Variants in MAN2B1 observed in about 807,000 individuals in gnomAD.
MAN2B1 encodes the protein lysosomal alpha-mannosidase.
A neutral mutation model predicts 127.5 loss-of-function variants in MAN2B1; 99 were observed. That is an observed-to-expected ratio of 0.78 (90% confidence interval 0.66 to 0.92). The LOEUF is 0.92. MAN2B1 is among the 40% of genes least tolerant of loss of function. MAN2B1 has a pLI of 0.00. For synonymous variants in MAN2B1, 573 were observed against 568.8 expected, an observed-to-expected ratio of 1.01 and a Z score of -0.11; for missense variants, 1,304 against 1,384.8, an observed-to-expected ratio of 0.94 and a Z score of 0.93.
rs932247520 is a variant in MAN2B1 at position 12,652,239 on chromosome 19, C to A, written c.1960G>T (p.Asp654Tyr). The change falls in exon 16 of 24, where the codon GAC (aspartate) becomes TAC (tyrosine). Residue 654 changes from aspartate to tyrosine, a missense_variant. Asp to Tyr is a radical substitution (Grantham distance 160, BLOSUM62 -3). Coordinates refer to ENST00000456935, the MANE Select transcript of MAN2B1 (RefSeq NM_000528.4). ...YNASIGDNES[D>Y]QASGAYIFRP... The stretch of plus-strand genomic sequence containing the variant: ...AAGATGTAGGCACCTGAGGCCTGGT[C>A]ACTTTCGTTGTCACCTATACTGGCG... The A allele has an allele frequency of 6.2e-6, 10 of 1,614,110 alleles. No homozygotes were observed. Among genetic ancestry groups the A allele is most frequent in the South Asian group, 1.1e-5 (1 of 91,046 alleles).
At chr19:12,656,080 G>A (rs2023947563) in intron 13 of MAN2B1, 4 of 558,918 alleles carry the variant, frequency 7.2e-6, no homozygotes, top group Non-Finnish European at 1.3e-5. Context: ...CACCGGGAGG[G>A]TGGAGAGACC....
chr19:12,662,279 C>A (rs1189947227), intron 6 of MAN2B1, among the ~76,000 whole-genome samples: 2 of 152,110 alleles, frequency 1.3e-5, no homozygotes, highest in African/African-American at 4.8e-5. Context: ...AGTTTGAGAC[C>A]AGCCTGGGCC....
Position 12,650,390 on chromosome 19 carries a change from G to A in MAN2B1, c.2047-168C>T, listed in dbSNP as rs551824490. 5.8e-5 allele frequency among the ~76,000 whole-genome samples: 8 copies of A among 137,984 alleles called. No individual in the cohort carries two copies. The South Asian group carries it at 8.9e-4, about 15-fold the overall frequency. 90.5% of individuals were successfully genotyped at this position (137,984 alleles called of 152,430 possible). A position where few individuals can be genotyped will look rare whatever the true frequency, so the allele number is the denominator to read the frequency against. ...TTTTTTTTTTTTGAGACGGAGTCTC[G>A]CTCTTTTGCCCAGGCGGGAGTGCAG... On this transcript the variant is annotated intron_variant, in intron 16 of 23. Transcript: ENST00000456935.
intron 11 of MAN2B1, 57 bp from the exon 12 acceptor site, chr19:12,657,113 C>T: frequency 9.7e-7 from 1 of 1,033,490 alleles, no homozygotes; most frequent in Non-Finnish European, 1.5e-6. Context: ...GACTCCTCCC[C>T]TCTCCTCAGG....
chr19:12,650,649 C>T (rs2023823544), intron 16 of MAN2B1, among the ~76,000 whole-genome samples: 1 of 151,242 alleles, frequency 6.6e-6, no homozygotes, highest in East Asian at 1.9e-4. Flanking sequence ...TGAGCCACCG[C>T]GCCTGGCCCA....
At chr19:12,665,593 G>A in intron 2 of MAN2B1, 68 bp from the exon 3 acceptor site, 1 of 1,598,994 alleles carries the variant, frequency 6.3e-7, no homozygotes. Context: ...AGACAGAGGA[G>A]CCCAAACCCT....
rs398123456 is a variant in MAN2B1, at chr19:12,649,174, C to A, written c.2398G>T (p.Gly800Trp). 4.3e-6 allele frequency: 7 copies of A among 1,612,740 alleles called. No individual in the cohort carries two copies. The highest frequency in any genetic ancestry group is 1.3e-5 in the African/African-American group (1 of 74,980). The change falls in exon 20 of 24, where the codon GGG becomes TGG. Residue 800 changes from glycine (G) to tryptophan (W), a missense_variant. Coordinates refer to ENST00000456935, the MANE Select transcript of MAN2B1 (RefSeq NM_000528.4). ...QLTVLTDRSQ[G>W]GSSLRDGSLE... ...GAGCCATCTCTCAGGCTGCTGCCCC[C>A]CTGGGAGCGGTCAGTCAGCACAGTC... is the stretch of plus-strand genomic sequence containing the variant.
At chr19:12,658,035 C>G in intron 10 of MAN2B1, 28 bp downstream of exon 10, 1 of 1,607,970 alleles carries the variant, frequency 6.2e-7, no homozygotes, top group Non-Finnish European at 8.5e-7. Flanking sequence ...AGCCGCAAAC[C>G]TCTTCCCCTC....
At position 12,666,712 on chromosome 19, in the gene MAN2B1, C is replaced by G. The variant is rs531900151; in HGVS notation, c.-11G>C. The G allele has an allele frequency of 8.4e-6, 13 of 1,547,546 alleles. No homozygotes were observed. In the East Asian group the frequency reaches 1.5e-4, roughly 17 times the overall value. On this transcript the variant is annotated 5_prime_UTR_variant, in exon 1 of 24. Coordinates refer to ENST00000456935, the MANE Select transcript of MAN2B1 (RefSeq NM_000528.4). ...CGCGTAGGCGCCCATGGCTCAGCAGCTTCCTCCTGGGGTTCCCCGGCCCTG... is the reference window on the plus strand; with the variant it reads ...CGCGTAGGCGCCCATGGCTCAGCAGGTTCCTCCTGGGGTTCCCCGGCCCTG...
rs144244650 is a variant in MAN2B1, at chr19:12,648,342, C to G, written c.2497G>C (p.Gly833Arg). ...RGVSEPLMEN[G>R]SGAWVRGRHL... ...CGCCCTCGCACCCACGCCCCCGACC[C>G]GTTCTCCATTAGTGGCTCCGATACT... Residue 833 changes from glycine to arginine, a missense_variant, in exon 21 of 24, where the codon GGG (glycine) becomes CGG (arginine). Gly to Arg is a moderately radical substitution (Grantham distance 125). Transcript: ENST00000456935. 7 of 1,613,728 alleles carry G rather than the reference C, an allele frequency of 4.3e-6. No individual in the cohort carries two copies. In the African/African-American group the frequency reaches 6.7e-5, roughly 15 times the overall value.
intron 20 of MAN2B1, 106 bp downstream of exon 20, chr19:12,649,030 T>C: frequency 1.1e-6 from 1 of 917,266 alleles, no homozygotes; most frequent in Non-Finnish European, 1.8e-6. Flanking sequence ...AGTCCTCAGC[T>C]TAGTGGGGCC....
In MAN2B1 at chr19:12,666,558, C is replaced by T. The variant is rs536832541; in HGVS notation, c.144G>A (p.Arg48=). ...FLLLLAAAGA[R]AGGYETCPTV... ...CCCCACTCACCTCGTATCCCCCGGC[C>T]CGAGCACCGGCAGCCGCCAGCAACA... The change falls in exon 1 of 24, where the codon CGG becomes CGA. Residue 48 remains arginine, a synonymous_variant. Transcript: ENST00000456935. The T allele has an allele frequency of 2.5e-6, 4 of 1,585,766 alleles. No homozygotes were observed. In the South Asian group the frequency reaches 4.6e-5, roughly 18 times the overall value.
intron 9 of MAN2B1, 38 bp downstream of exon 9, chr19:12,658,186 C>T (rs373880837): frequency 2.5e-6 from 4 of 1,613,588 alleles, no homozygotes; most frequent in African/African-American, 1.3e-5. Context: ...TGTCGGGCCT[C>T]GGGGCTGCAT....
intron 4 of MAN2B1, 115 bp from the exon 5 acceptor site, chr19:12,663,950 C>A: frequency 7.3e-7 from 1 of 1,366,502 alleles, no homozygotes; most frequent in South Asian, 1.2e-5. Flanking sequence ...AGTGCTAGGT[C>A]GATGTGGTGG....
At chr19:12,662,036 G>C (rs1231065474) in intron 6 of MAN2B1, among the ~76,000 whole-genome samples, 1 of 151,992 alleles carries the variant, frequency 6.6e-6, no homozygotes, top group African/African-American at 2.4e-5. Context: ...GTAGAGACAG[G>C]GTTTCGTCAT....
At chr19:12,660,148 A>T (rs2024067793) in intron 7 of MAN2B1, among the ~76,000 whole-genome samples, 1 of 152,196 alleles carries the variant, frequency 6.6e-6, no homozygotes, top group Non-Finnish European at 1.5e-5. Flanking sequence ...ACCACATTAG[A>T]TTACATGGCA....
rs2024099652 is a variant in MAN2B1 at position 12,661,341 on chromosome 19, G to A, written c.945C>T (p.Thr315=). ...RYYRTNHTVM[T]MGSDFQYENA... ...TCTCATATTGGAAGTCCGAGCCCAT[G>A]GTCATCACAGTGTGGTTGGTGCGGT... The change falls in exon 7 of 24, where the codon ACC becomes ACT. Residue 315 remains threonine (T), a synonymous_variant. Transcript: ENST00000456935. 6.2e-7 allele frequency: 1 copy of A among 1,613,872 alleles called. No homozygotes were observed. The highest frequency in any genetic ancestry group is 1.7e-5 in the Admixed American group (1 of 59,998).
intron 4 of MAN2B1, 80 bp from the exon 5 acceptor site, chr19:12,663,915 C>G: frequency 6.4e-7 from 1 of 1,558,570 alleles, no homozygotes. Flanking sequence ...TTGGGAGGGG[C>G]AGGTCAGAGC....
At chr19:12,654,294 G>A (rs1010588980) in intron 14 of MAN2B1, among the ~76,000 whole-genome samples, 8 of 151,704 alleles carry the variant, frequency 5.3e-5, no homozygotes, top group Non-Finnish European at 7.4e-5. Context: ...TGCCTGCCTC[G>A]GCCTCCCAAA....
Sources: gnomAD v4.1 joint callset for allele counts (sites outside exome capture counted in the v4.1 genomes callset) on GRCh38, gnomAD v4.1.1 for gene constraint, MANE v1.5 for transcripts, NCBI Gene and HGNC (gene_info 2026-07-23, HGNC 2026-07-21) for gene names.